Variants in KDELR3 observed in about 807,000 individuals in gnomAD.
KDELR3 encodes ER lumen protein-retaining receptor 3.
KDELR3 carries 26 observed loss-of-function variants against 22.7 expected under a neutral mutation model. That is an observed-to-expected ratio of 1.15 (90% CI 0.84 to 1.59). The LOEUF (loss-of-function observed/expected upper bound fraction) is 1.59. Ranked by LOEUF, KDELR3 falls within the 40% of genes most tolerant of loss-of-function variation. The pLI, the probability that KDELR3 is intolerant of heterozygous loss-of-function variation, is 0.00. For missense variants in KDELR3, 289 were observed against 251.1 expected (o/e 1.15, Z -1.02); for synonymous variants, 120 against 98.2 (o/e 1.22, Z -1.31).
intron 2 of KDELR3, 78 bp from the exon 3 acceptor site, chr22:38,479,515 T>G: frequency 7.4e-7 from 1 of 1,352,504 alleles, no homozygotes; most frequent in Non-Finnish European, 1.0e-6. Context: ...ACCCTTAGGT[T>G]TGGTAGGCTA....
chr22:38,481,832 C>G (rs1255741909), intron 4 of KDELR3, among the ~76,000 whole-genome samples: 1 of 152,230 alleles, frequency 6.6e-6, no homozygotes, highest in African/African-American at 2.4e-5. Flanking sequence ...GACCAGTTCA[C>G]ATAGGGCAGG....
At chr22:38,476,422 A>G (rs2089558206) in intron 2 of KDELR3, among the ~76,000 whole-genome samples, 2 of 151,834 alleles carry the variant, frequency 1.3e-5, no homozygotes, top group South Asian at 4.1e-4. Context: ...GTTTCACCTT[A>G]TTAGCCAGGA....
At chr22:38,468,453 G>T in intron 1 of KDELR3, 129 bp downstream of exon 1, 1 of 690,974 alleles carries the variant, frequency 1.4e-6, no homozygotes, top group South Asian at 1.7e-5. Context: ...TTGAAACTTT[G>T]CGGAGCTCCA....
intron 3 of KDELR3, among the ~76,000 whole-genome samples, chr22:38,480,715 T>G (rs1163573931): frequency 1.3e-5 from 2 of 151,980 alleles, no homozygotes; most frequent in African/African-American, 4.8e-5. Flanking sequence ...ATCGCACCAC[T>G]GCACTCCAGC....
At chr22:38,479,270 G>C (rs1156440020) in intron 2 of KDELR3, among the ~76,000 whole-genome samples, 1 of 152,026 alleles carries the variant, frequency 6.6e-6, no homozygotes, top group African/African-American at 2.4e-5. Flanking sequence ...TGTTTCAAGA[G>C]CCCTGGAATG....
At chr22:38,470,051 C>T (rs1395549223) in intron 1 of KDELR3, among the ~76,000 whole-genome samples, 1 of 151,164 alleles carries the variant, frequency 6.6e-6, no homozygotes, top group South Asian at 2.1e-4. Context: ...AACGCCTGAC[C>T]TCAGGTGATT....
At position 38,482,527 on chromosome 22, in the gene KDELR3, G is replaced by A. The variant is rs771535393; in HGVS notation, c.636G>A (p.Met212Ile). The change falls in exon 5 of 5, where the codon ATG becomes ATA. Residue 212 changes from methionine to isoleucine, a missense_variant. Coordinates refer to ENST00000216014, the MANE Select transcript of KDELR3 (RefSeq NM_006855.4). ...AGGGAAAGAAGTTAAGTCTTCCAAT[G>A]CCAATCTGAGGACCTTCAGAGACAG... ...VLKGKKLSLP[M>I]PI 1.2e-6 allele frequency: 2 copies of A among 1,612,496 alleles called. No individual in the cohort carries two copies. The highest frequency in any genetic ancestry group is 2.2e-5 in the South Asian group (2 of 91,034).
At position 38,474,625 on chromosome 22, in the gene KDELR3, T is replaced by A. The variant is rs759642788; in HGVS notation, c.192+2T>A. 4 of 1,610,644 alleles carry A rather than the reference T, an allele frequency of 2.5e-6. No individual in the cohort carries two copies. The highest frequency in any genetic ancestry group is 2.7e-5 in the African/African-American group (2 of 74,782). ...TCCATCTACAACACAGTAATGAAGG[T>A]GAGGGGCTGGGTGATGATGGTTGGG... On this transcript the variant is annotated splice_donor_variant, in intron 2 of 4. Transcript: ENST00000216014. LOFTEE classifies it high-confidence loss of function.
chr22:38,478,604 G>A (rs1226148942), intron 2 of KDELR3, among the ~76,000 whole-genome samples: 2 of 140,974 alleles, frequency 1.4e-5, no homozygotes, highest in African/African-American at 5.2e-5. Context: ...AAGCTCTTGG[G>A]GCAAGGGAAG....
At chr22:38,482,331 T>C (rs537532833) in intron 4 of KDELR3, among the ~76,000 whole-genome samples, 165 bp from the exon 5 acceptor site, 2 of 152,238 alleles carry the variant, frequency 1.3e-5, no homozygotes, top group East Asian at 3.9e-4. Flanking sequence ...AAGTCGGGGA[T>C]CAGTAGGTCC....
At position 38,479,776 on chromosome 22, in the gene KDELR3, T is replaced by A. The variant is rs745695546; in HGVS notation, c.351+25T>A. ...GGTAAGGGAATGGACTGAGTACCAG[T>A]TCTCAAAGGGAAATATGCTCCCTGC... On this transcript the variant is annotated intron_variant, in intron 3 of 4. Coordinates refer to ENST00000216014, the MANE Select transcript of KDELR3 (RefSeq NM_006855.4). The A allele has an allele frequency of 5.0e-6, 8 of 1,611,430 alleles. No homozygotes were observed. In the Admixed American group the frequency reaches 6.7e-5, roughly 13 times the overall value.
chr22:38,474,349 G>C (rs907085917), intron 1 of KDELR3, 174 bp from the exon 2 acceptor site: 1 of 568,986 alleles, frequency 1.8e-6, no homozygotes, highest in Non-Finnish European at 3.1e-6. Context: ...CAAGTGATCC[G>C]ATGGGAAGGG....
At chr22:38,482,344 A>T (rs1755155627) in intron 4 of KDELR3, 152 bp from the exon 5 acceptor site, 1 of 661,792 alleles carries the variant, frequency 1.5e-6, no homozygotes, top group African/African-American at 1.8e-5. Flanking sequence ...GTAGGTCCAT[A>T]GTCAACCGGA....
chr22:38,477,930 T>C (rs963811756), intron 2 of KDELR3, among the ~76,000 whole-genome samples: 3 of 152,200 alleles, frequency 2.0e-5, no homozygotes, highest in Non-Finnish European at 4.4e-5. Flanking sequence ...AATGAAAAAG[T>C]GACCACCTCA....
chr22:38,481,676 G>A, intron 4 of KDELR3: 3 of 1,389,070 alleles, frequency 2.2e-6, no homozygotes, highest in Non-Finnish European at 2.8e-6. Flanking sequence ...CAAGACAGCT[G>A]TGAGATGACA....
Position 38,468,262 on chromosome 22 carries a change from T to C in KDELR3, c.29T>C (p.Leu10Pro), listed in dbSNP as rs781666257. 6.2e-7 allele frequency: 1 copy of C among 1,613,842 alleles called. No individual in the cohort carries two copies. The highest frequency in any genetic ancestry group is 1.1e-5 in the South Asian group (1 of 91,078). MNVFRILGD[L>P]SHLLAMILLL... ...AACGTGTTCCGAATCCTCGGCGACC[T>C]GAGCCACCTCCTGGCCATGATCTTG... Residue 10 changes from leucine to proline, a missense_variant, in exon 1 of 5, where the codon CTG becomes CCG. Transcript: ENST00000216014.
In KDELR3 at chr22:38,482,651, T is replaced by G. The variant is rs868553830; in HGVS notation, c.*115T>G. 7 of 941,532 alleles carry G rather than the reference T, an allele frequency of 7.4e-6. No individual in the cohort carries two copies. In the Middle Eastern group the frequency reaches 1.6e-3, roughly 213 times the overall value. The allele number at this position is 941,532 out of a possible 1,614,324, so 58.3% of individuals were successfully genotyped here. ...CAAATGTTAAAACCAGAAAAGTGTT[T>G]AGTGTGGATTTCAGCAAAACCTGAT... is the stretch of plus-strand genomic sequence containing the variant. On this transcript the variant is annotated 3_prime_UTR_variant, in exon 5 of 5. Transcript: ENST00000216014.
intron 3 of KDELR3, among the ~76,000 whole-genome samples, chr22:38,480,949 A>T (rs2089595030): frequency 6.6e-6 from 1 of 151,994 alleles, no homozygotes; most frequent in Non-Finnish European, 1.5e-5. Context: ...AAAAAATTAA[A>T]AGTAGTTTTC....
At chr22:38,470,152 T>A (rs951533473) in intron 1 of KDELR3, among the ~76,000 whole-genome samples, 2 of 150,158 alleles carry the variant, frequency 1.3e-5, no homozygotes, top group Admixed American at 6.6e-5. Context: ...GAGACAGAGT[T>A]TTGTTCTATC....
Sources: gnomAD v4.1 joint callset for allele counts (sites outside exome capture counted in the v4.1 genomes callset) on GRCh38, gnomAD v4.1.1 for gene constraint, MANE v1.5 for transcripts, NCBI Gene and HGNC (gene_info 2026-07-23, HGNC 2026-07-21) for gene names.